The following PI4KA variants were observed in gnomAD, a reference collection of about 807,000 sequenced individuals.
The protein encoded by PI4KA is PI4-kinase alpha.
PI4KA carries 122 observed loss-of-function variants against 271.4 expected under a neutral mutation model. The ratio of observed to expected loss-of-function variants is 0.45; its 90% CI spans 0.39 to 0.52. PI4KA has a LOEUF of 0.52. PI4KA is among the 20% of genes least tolerant of loss of function. The pLI is 0.00. For synonymous variants in PI4KA, 1,041 were observed against 1,078.8 expected, an observed-to-expected ratio of 0.96 and a Z score of 0.69; for missense variants, 1,969 against 2,769.1, an observed-to-expected ratio of 0.71 and a Z score of 6.48.
intron 19 of PI4KA, among the ~76,000 whole-genome samples, chr22:20,770,351 A>G (rs1203177647): frequency 6.6e-6 from 1 of 151,636 alleles, no homozygotes; most frequent in East Asian, 1.9e-4. Flanking sequence ...TGTCTCTACT[A>G]AAAACACAAA....
At chr22:20,847,775 C>A (rs146271028) in intron 1 of PI4KA, among the ~76,000 whole-genome samples, 18 of 147,782 alleles carry the variant, frequency 1.2e-4, no homozygotes, top group African/African-American at 2.2e-4. Context: ...ACAAAAAAAA[C>A]CAGTAGAACA....
intron 54 of PI4KA, among the ~76,000 whole-genome samples, chr22:20,708,464 G>A (rs1924796785): frequency 6.7e-6 from 1 of 149,568 alleles, no homozygotes. Flanking sequence ...GGTCCTGGCC[G>A]CCTGGCTTCT....
chr22:20,734,424 C>T lies in PI4KA; in HGVS notation c.3871G>A (p.Glu1291Lys), dbSNP rs563233645. 3.1e-5 allele frequency: 50 copies of T among 1,605,526 alleles called. No individual in the cohort carries two copies. In the Admixed American group the frequency reaches 4.9e-4, roughly 16 times the overall value. Residue 1291 changes from glutamate to lysine, a missense_variant, in exon 33 of 55, where the codon GAA becomes AAA. Physicochemically the swap from Glu to Lys is moderately conservative, Grantham distance 56. Coordinates refer to ENST00000255882, the MANE Select transcript of PI4KA (RefSeq NM_058004.4). ...EASQPKPCPP[E>K]VTPHYIWIDF... is the part of the protein sequence containing the mutation. ...ATCCAGATGTAGTGGGGGGTCACTT[C>T]GGGGGGACAGGGTTTGGGTTGACTT...
chr22:20,826,016 A>T (rs923721320), intron 3 of PI4KA, among the ~76,000 whole-genome samples: 1 of 152,100 alleles, frequency 6.6e-6, no homozygotes, highest in African/African-American at 2.4e-5. Context: ...TTCTCCCATA[A>T]CGGTCTCCAG....
intron 32 of PI4KA, among the ~76,000 whole-genome samples, chr22:20,738,159 G>A (rs938819510): frequency 2.6e-5 from 4 of 151,956 alleles, no homozygotes; most frequent in Non-Finnish European, 5.9e-5. Context: ...GCAGGCAGGT[G>A]GGCACCTGGG....
intron 3 of PI4KA, among the ~76,000 whole-genome samples, chr22:20,832,794 A>G (rs749655351): frequency 2.9e-4 from 44 of 151,938 alleles, no homozygotes; most frequent in Admixed American, 2.3e-3. Flanking sequence ...TACATCTCCT[A>G]TATCGTTTTA....
chr22:20,845,886 A>G (rs912227838), intron 1 of PI4KA, among the ~76,000 whole-genome samples: 2 of 151,836 alleles, frequency 1.3e-5, no homozygotes, highest in African/African-American at 4.8e-5. Context: ...AATAAAAAAG[A>G]TGCTCTTTGG....
At chr22:20,761,254 A>T (rs1931938837) in intron 23 of PI4KA, 50 bp downstream of exon 23, 4 of 1,041,516 alleles carry the variant, frequency 3.8e-6, no homozygotes, top group Middle Eastern at 2.0e-4. Context: ...ACGCCTTTTT[A>T]CCCTATTAAA....
chr22:20,728,977 C>T (rs996181367), intron 39 of PI4KA, among the ~76,000 whole-genome samples: 3 of 152,230 alleles, frequency 2.0e-5, no homozygotes, highest in Admixed American at 6.5e-5. Flanking sequence ...CTCCCCAAGG[C>T]GGTTCCGGCA....
intron 8 of PI4KA, among the ~76,000 whole-genome samples, chr22:20,812,897 G>A (rs1260712333): frequency 6.6e-6 from 1 of 152,096 alleles, no homozygotes; most frequent in African/African-American, 2.4e-5. Context: ...TTAAGGAATC[G>A]AACAATGGCC....
At chr22:20,790,873 A>G (rs1439469818) in intron 19 of PI4KA, among the ~76,000 whole-genome samples, 2 of 152,108 alleles carry the variant, frequency 1.3e-5, no homozygotes, top group African/African-American at 4.8e-5. Flanking sequence ...TTCCTCCTCC[A>G]TAATATAACC....
At chr22:20,736,548 G>C (rs560562402) in intron 32 of PI4KA, 1 of 153,688 alleles carries the variant, frequency 6.5e-6, no homozygotes. Flanking sequence ...TCAGATCCTG[G>C]ATAAACCTCA....
intron 19 of PI4KA, among the ~76,000 whole-genome samples, chr22:20,770,801 C>T (rs1477464918): frequency 6.6e-6 from 1 of 152,136 alleles, no homozygotes; most frequent in African/African-American, 2.4e-5. Flanking sequence ...TAGTGATCCT[C>T]CTGCCTCAGC....
intron 42 of PI4KA, among the ~76,000 whole-genome samples, chr22:20,723,385 A>G (rs1926974116): frequency 6.6e-6 from 1 of 152,102 alleles, no homozygotes; most frequent in Non-Finnish European, 1.5e-5. Context: ...CCATAGTGAT[A>G]TAAATTTTTT....
At position 20,740,773 on chromosome 22, in the gene PI4KA, A is replaced by C. The variant is rs1326976287; in HGVS notation, c.3741+1455T>G. On this transcript the variant is annotated intron_variant, in intron 32 of 54. Coordinates refer to ENST00000255882, the MANE Select transcript of PI4KA (RefSeq NM_058004.4). Reference sequence around the variant, plus strand: ...AGACTGTTGACTTCTCTCCAGAAACAATGCAAGCTACTAGACAATAGAAGA... The same window carrying C: ...AGACTGTTGACTTCTCTCCAGAAACCATGCAAGCTACTAGACAATAGAAGA... Among the ~76,000 whole-genome samples, 11 of 152,240 alleles carry C rather than the reference A, an allele frequency of 7.2e-5. 1 individual carries two copies. The East Asian group carries it at 2.1e-3, about 29-fold the overall frequency.
intron 3 of PI4KA, among the ~76,000 whole-genome samples, chr22:20,831,609 A>AAAAAC (rs372281089): frequency 3.2e-4 from 13 of 41,106 alleles, no homozygotes; most frequent in African/African-American, 7.8e-4. Flanking sequence ...AAACAAAAAC[A>AAAAAC]AAAACAAAAC....
chr22:20,818,162 C>T (rs1922095286), intron 7 of PI4KA, among the ~76,000 whole-genome samples: 2 of 152,058 alleles, frequency 1.3e-5, no homozygotes, highest in South Asian at 4.1e-4. Flanking sequence ...AGTACTTCCA[C>T]CTGAAAAGAA....
chr22:20,721,451 T>G, intron 42 of PI4KA, 33 bp from the exon 43 acceptor site: 1 of 1,610,768 alleles, frequency 6.2e-7, no homozygotes, highest in Admixed American at 1.7e-5. Context: ...TCAGCCAGGC[T>G]CGGCCCTCTC....
chr22:20,764,271 A>G (rs2147392664), intron 22 of PI4KA, among the ~76,000 whole-genome samples: 1 of 152,336 alleles, frequency 6.6e-6, no homozygotes, highest in East Asian at 1.9e-4. Flanking sequence ...TACCTGGTAC[A>G]GCACAGACAC....
Sources: gnomAD v4.1 joint callset for allele counts (sites outside exome capture counted in the v4.1 genomes callset) on GRCh38, gnomAD v4.1.1 for gene constraint, MANE v1.5 for transcripts, NCBI Gene and HGNC (gene_info 2026-07-23, HGNC 2026-07-21) for gene names.